RWDD4: variants seen among roughly 807,000 people sequenced by gnomAD.
The protein encoded by RWDD4 is RWD domain-containing protein 4.
Under a neutral mutation model 30.0 loss-of-function variants are expected in RWDD4, and 16 were observed. That is an observed-to-expected ratio of 0.53 (90% CI 0.36 to 0.81). The LOEUF (loss-of-function observed/expected upper bound fraction) is 0.81, where lower values mean the gene tolerates loss of function less well. Ranked by LOEUF, RWDD4 falls within the 30% of genes least tolerant of loss-of-function variation. The pLI, the probability that RWDD4 is intolerant of heterozygous loss-of-function variation, is 0.00. For missense variants in RWDD4, 170 were observed against 223.9 expected, an observed-to-expected ratio of 0.76 and a Z score of 1.54; for synonymous variants, 45 against 72.1, an observed-to-expected ratio of 0.62 and a Z score of 1.90.
intron 7 of RWDD4, among the ~76,000 whole-genome samples, chr4:183,643,059 A>AAAATAAATAAAT (rs201296160): frequency 1.2e-4 from 13 of 112,448 alleles, no homozygotes; most frequent in African/African-American, 4.3e-4. Context: ...ACTCCGTTCA[A>AAAATAAATAAAT]AAATAAATAA....
At chr4:183,656,644 C>T (rs755555325) in intron 1 of RWDD4, among the ~76,000 whole-genome samples, 6 of 152,124 alleles carry the variant, frequency 3.9e-5, no homozygotes, top group Admixed American at 3.3e-4. Flanking sequence ...CTTGGGTACA[C>T]GTTTAAGTTT....
At chr4:183,657,866 A>T (rs913886247) in intron 1 of RWDD4, among the ~76,000 whole-genome samples, 2 of 152,170 alleles carry the variant, frequency 1.3e-5, no homozygotes, top group African/African-American at 4.8e-5. Flanking sequence ...TAAACTGGAG[A>T]TTCCTGGGCC....
intron 5 of RWDD4, among the ~76,000 whole-genome samples, chr4:183,648,657 T>G (rs1187820533): frequency 6.6e-6 from 1 of 152,170 alleles, no homozygotes; most frequent in Non-Finnish European, 1.5e-5. Flanking sequence ...TTCAAAAAAT[T>G]TTTAATAACA....
chr4:183,652,122 G>A (rs1734088871), intron 2 of RWDD4, among the ~76,000 whole-genome samples: 1 of 152,058 alleles, frequency 6.6e-6, no homozygotes, highest in South Asian at 2.1e-4. Flanking sequence ...TTAAGAAAAG[G>A]ACAATCTTCT....
intron 5 of RWDD4, among the ~76,000 whole-genome samples, chr4:183,647,868 T>G (rs1733992191): frequency 6.6e-6 from 1 of 152,160 alleles, no homozygotes; most frequent in Admixed American, 6.5e-5. Flanking sequence ...AACACAGAGT[T>G]GCTATTTGCC....
In RWDD4 at chr4:183,658,913, G is replaced by T; in HGVS notation, c.24+16C>A. 1 of 1,262,274 alleles carries T rather than the reference G, an allele frequency of 7.9e-7. No homozygotes were observed. Among genetic ancestry groups the T allele is most frequent in the East Asian group, 3.0e-5 (1 of 33,848 alleles). 78.2% of individuals were successfully genotyped at this position (1,262,274 alleles called of 1,614,324 possible). A position where few individuals can be genotyped will look rare whatever the true frequency, so the allele number is the denominator to read the frequency against. The stretch of plus-strand genomic sequence containing the variant: ...CGCGCCCGCGCTGGGAGAGGGCCCT[G>T]AGCCGGGGGGCTCACCTCCTGGTCC... On this transcript the variant is annotated intron_variant, in intron 1 of 7. Coordinates refer to ENST00000326397, the MANE Select transcript of RWDD4 (RefSeq NM_152682.4).
intron 2 of RWDD4, among the ~76,000 whole-genome samples, chr4:183,652,516 TAAAA>T (rs888599544): frequency 6.6e-6 from 1 of 150,404 alleles, no homozygotes; most frequent in African/African-American, 2.5e-5. Context: ...AAAAATAAAA[TAAAA>T]AAAGAAATCA....
intron 1 of RWDD4, among the ~76,000 whole-genome samples, chr4:183,658,054 C>G (rs6838609): frequency 2.6e-5 from 4 of 152,006 alleles, no homozygotes; most frequent in African/African-American, 9.7e-5. Context: ...GAAATTCACC[C>G]GGCAAGAATA....
rs1733826162 is a variant in RWDD4, at chr4:183,639,898, A to T, written c.*1538T>A. 1 of 152,114 alleles carries T rather than the reference A, an allele frequency of 6.6e-6. No homozygotes were observed. Among genetic ancestry groups the T allele is most frequent in the South Asian group, 2.1e-4 (1 of 4,816 alleles). 9.4% of individuals were successfully genotyped at this position (152,114 alleles called of 1,614,324 possible). A position where few individuals can be genotyped will look rare whatever the true frequency, so the allele number is the denominator to read the frequency against. Reference sequence around the variant, plus strand: ...TTCTCTGTAATCTATGAGCCATAATAAGCCTGAACAATTTCAGTCTCTTCA... The same window carrying T: ...TTCTCTGTAATCTATGAGCCATAATTAGCCTGAACAATTTCAGTCTCTTCA... On this transcript the variant is annotated 3_prime_UTR_variant, in exon 8 of 8. Coordinates refer to ENST00000326397, the MANE Select transcript of RWDD4 (RefSeq NM_152682.4).
intron 5 of RWDD4, 34 bp from the exon 6 acceptor site, chr4:183,646,571 G>C (rs753683873): frequency 6.4e-7 from 1 of 1,573,614 alleles, no homozygotes; most frequent in Admixed American, 1.8e-5. Flanking sequence ...TTATTTCTAA[G>C]ACCAACCAGC....
chr4:183,658,778 G>T, intron 1 of RWDD4, 151 bp downstream of exon 1: 3 of 583,816 alleles, frequency 5.1e-6, no homozygotes, highest in Non-Finnish European at 7.6e-6. Flanking sequence ...ACGCGCGCTT[G>T]GGTGGGACGC....
chr4:183,656,158 G>C (rs1734188903), intron 1 of RWDD4, 197 bp from the exon 2 acceptor site: 1 of 509,482 alleles, frequency 2.0e-6, no homozygotes. Context: ...CAAACTCTGT[G>C]TCAGGGACTA....
chr4:183,659,027 A>T lies in RWDD4; in HGVS notation c.-75T>A. 8.8e-7 allele frequency: 1 copy of T among 1,141,670 alleles called. No individual in the cohort carries two copies. Among genetic ancestry groups the T allele is most frequent in the Non-Finnish European group, 1.1e-6 (1 of 902,582 alleles). 70.7% of individuals were successfully genotyped at this position (1,141,670 alleles called of 1,614,324 possible). A position where few individuals can be genotyped will look rare whatever the true frequency, so the allele number is the denominator to read the frequency against. ...AGAGAAAGCGAAGGCAGCGGCCCAG[A>T]GGCCGGGCGTCCCCCTTTCGCGCCT... On this transcript the variant is annotated 5_prime_UTR_variant, in exon 1 of 8. Coordinates refer to ENST00000326397, the MANE Select transcript of RWDD4 (RefSeq NM_152682.4).
chr4:183,655,764 A>G (rs1012049292), intron 2 of RWDD4, 117 bp downstream of exon 2: 2 of 621,310 alleles, frequency 3.2e-6, no homozygotes, highest in Non-Finnish European at 5.7e-6. Flanking sequence ...TTTAAATGCT[A>G]CAGAAAATAC....
chr4:183,649,544 T>C lies in RWDD4; in HGVS notation c.388A>G (p.Ile130Val), dbSNP rs533172123. The stretch of plus-strand genomic sequence containing the variant: ...GATGGGGCTGTATTAGGAGTTTCAA[T>C]TGAGATGATATTGCTTATCGATGTC... The part of the protein sequence containing the change: ...SATSISNIIS[I>V]ETPNTAPSSK... Residue 130 changes from isoleucine to valine, a missense_variant, in exon 5 of 8, where the codon ATT (isoleucine) becomes GTT (valine). Ile to Val is a conservative substitution (Grantham distance 29, BLOSUM62 3). Coordinates refer to ENST00000326397, the MANE Select transcript of RWDD4 (RefSeq NM_152682.4). 51 of 1,599,658 alleles carry C rather than the reference T, an allele frequency of 3.2e-5. No individual in the cohort carries two copies. The highest frequency in any genetic ancestry group is 4.0e-5 in the Non-Finnish European group (47 of 1,169,638).
intron 2 of RWDD4, among the ~76,000 whole-genome samples, chr4:183,654,981 C>T (rs899365970): frequency 2.6e-5 from 4 of 151,742 alleles, no homozygotes; most frequent in Admixed American, 2.6e-4. Context: ...CGCTCTGTCG[C>T]CCAGACTGGA....
chr4:183,655,808 A>G (rs1374117555), intron 2 of RWDD4, 73 bp downstream of exon 2: 6 of 858,694 alleles, frequency 7.0e-6, no homozygotes, highest in Non-Finnish European at 1.1e-5. Context: ...TTAAAAAACA[A>G]AATAAGCATT....
At position 183,646,370 on chromosome 4, in the gene RWDD4, A is replaced by G. The variant is rs781055817; in HGVS notation, c.532-17T>C. The G allele has an allele frequency of 6.3e-6, 8 of 1,270,610 alleles. No homozygotes were observed. The East Asian group carries it at 1.6e-4, about 26-fold the overall frequency. 78.7% of individuals were successfully genotyped at this position (1,270,610 alleles called of 1,614,324 possible). A position where few individuals can be genotyped will look rare whatever the true frequency, so the allele number is the denominator to read the frequency against. On this transcript the variant is annotated splice_polypyrimidine_tract_variant and intron_variant, in intron 6 of 7. Coordinates refer to ENST00000326397, the MANE Select transcript of RWDD4 (RefSeq NM_152682.4). ...ACTTACATGCTGAATGTAAAAAAGG[A>G]AACAGACATCCCAGTGAATTCCAAA...
At chr4:183,647,970 T>C (rs4455457) in intron 5 of RWDD4, among the ~76,000 whole-genome samples, 39,591 of 151,476 alleles carry the variant, frequency 0.26, 6,240 homozygotes, top group African/African-American at 0.44. Context: ...CCAGGCCGGA[T>C]GCGGTGGCTC....
Sources: gnomAD v4.1 joint callset for allele counts (sites outside exome capture counted in the v4.1 genomes callset) on GRCh38, gnomAD v4.1.1 for gene constraint, MANE v1.5 for transcripts, NCBI Gene and HGNC (gene_info 2026-07-23, HGNC 2026-07-21) for gene names.